The following DOK7 variants were observed in gnomAD, a reference collection of about 807,000 sequenced individuals.
The protein encoded by DOK7 is protein Dok-7.
Under a neutral mutation model 30.7 loss-of-function variants are expected in DOK7, and 32 were observed. That is an observed-to-expected ratio of 1.04 (90% CI 0.79 to 1.40). The LOEUF is 1.40. Among genes scored for constraint, DOK7 ranks in the 40% most tolerant of loss-of-function variants. The probability of loss-of-function intolerance (pLI) is 0.00; values close to 1 mark genes in which losing one functional copy is unlikely to be tolerated. For missense variants in DOK7, 1,007 were observed against 699.2 expected (o/e 1.44, Z -4.97); for synonymous variants, 447 against 324.1 (o/e 1.38, Z -4.07).
chr4:3,498,221 A>C (rs553970366), downstream of DOK7, among the ~76,000 whole-genome samples: 2 of 152,284 alleles, frequency 1.3e-5, no homozygotes, highest in South Asian at 4.1e-4. Flanking sequence ...TGCTCACAGA[A>C]GCCGAAGCAA....
chr4:3,493,803 C>G lies in DOK7; in HGVS notation c.*302C>G, dbSNP rs896344699. On this transcript the variant is annotated 3_prime_UTR_variant, in exon 7 of 7. Coordinates refer to ENST00000340083, the MANE Select transcript of DOK7 (RefSeq NM_173660.5). ...CCTGAGGATCAGGTGAGTGCTGCAC[C>G]TCTGTTGGCTCGTGCCTTGCACTGG... 33 of 1,304,792 alleles carry G rather than the reference C, an allele frequency of 2.5e-5. No homozygotes were observed. In the South Asian group the frequency reaches 3.8e-4, roughly 15 times the overall value. The allele number at this position is 1,304,792 out of a possible 1,614,324, so 80.8% of individuals were successfully genotyped here. A position where few individuals can be genotyped will look rare whatever the true frequency, so the allele number is the denominator to read the frequency against.
chr4:3,476,544 T>C lies in DOK7; in HGVS notation c.532+2T>C. 3 of 1,613,816 alleles carry C rather than the reference T, an allele frequency of 1.9e-6. No individual in the cohort carries two copies. The highest frequency in any genetic ancestry group is 2.5e-6 in the Non-Finnish European group (3 of 1,180,016). On this transcript the variant is annotated splice_donor_variant, in intron 4 of 6. Transcript: ENST00000340083. LOFTEE classifies it high-confidence loss of function. ...AAGGCGGGACCAGGTGTGGGTACTG[T>C]AAGTACGGATGTGTGGGGTCACTGG...
At chr4:3,485,170 C>T (rs903823536) in intron 4 of DOK7, among the ~76,000 whole-genome samples, 4 of 152,154 alleles carry the variant, frequency 2.6e-5, no homozygotes, top group Non-Finnish European at 4.4e-5. Flanking sequence ...GGTATGTGGG[C>T]GGGGGCACCC....
chr4:3,472,451 C>G (rs558244880), intron 2 of DOK7, among the ~76,000 whole-genome samples: 21 of 152,358 alleles, frequency 1.4e-4, no homozygotes, highest in Admixed American at 4.6e-4. Flanking sequence ...GCCGGGTATC[C>G]TGGAGCCCAG....
chr4:3,493,978 G>C lies in DOK7; in HGVS notation c.*477G>C, dbSNP rs372332007. Reference sequence around the variant, plus strand: ...TACCACAGAGGCTCCGGCCACCTGGGCTCCACCAGCCCAGCCCCCCTGGGC... The same window carrying C: ...TACCACAGAGGCTCCGGCCACCTGGCCTCCACCAGCCCAGCCCCCCTGGGC... On this transcript the variant is annotated 3_prime_UTR_variant, in exon 7 of 7. Coordinates refer to ENST00000340083, the MANE Select transcript of DOK7 (RefSeq NM_173660.5). 4 of 985,810 alleles carry C rather than the reference G, an allele frequency of 4.1e-6. No homozygotes were observed. The highest frequency in any genetic ancestry group is 1.1e-4 in the East Asian group (1 of 8,718). The allele number at this position is 985,810 out of a possible 1,614,324, so 61.1% of individuals were successfully genotyped here.
intron 4 of DOK7, among the ~76,000 whole-genome samples, chr4:3,478,941 C>G (rs1007294496): frequency 2.0e-5 from 3 of 152,178 alleles, no homozygotes; most frequent in Non-Finnish European, 4.4e-5. Context: ...TGTGGGCAGC[C>G]TGGGGCCTCC....
At chr4:3,472,631 T>C (rs1726824774) in intron 2 of DOK7, among the ~76,000 whole-genome samples, 2 of 152,266 alleles carry the variant, frequency 1.3e-5, no homozygotes, top group Admixed American at 1.3e-4. Context: ...ACACAGGGAC[T>C]GTGCTGTGCC....
At chr4:3,482,088 C>A (rs1422299071) in intron 4 of DOK7, among the ~76,000 whole-genome samples, 1 of 152,190 alleles carries the variant, frequency 6.6e-6, no homozygotes, top group East Asian at 1.9e-4. Context: ...TCCCCCACAA[C>A]AGGGCTCCTA....
intron 4 of DOK7, 50 bp downstream of exon 4, chr4:3,476,592 C>T (rs780241191): frequency 6.2e-6 from 10 of 1,609,342 alleles, no homozygotes; most frequent in African/African-American, 1.3e-5. Flanking sequence ...CCCCCCACTT[C>T]CCCTGAGAAC....
intron 3 of DOK7, among the ~76,000 whole-genome samples, chr4:3,475,787 T>C (rs1456542084): frequency 1.3e-5 from 2 of 151,912 alleles, no homozygotes; most frequent in African/African-American, 4.8e-5. Flanking sequence ...CCTGGAGAGG[T>C]GCCGGGGGTG....
rs963752202 is a variant in DOK7 at position 3,476,619 on chromosome 4, G to A, written c.532+77G>A. On this transcript the variant is annotated intron_variant, in intron 4 of 6. Transcript: ENST00000340083. Reference sequence around the variant, plus strand: ...CCTGAGAACTGCTGGCTTCGGGCCGGCCGACCCCACTTGCAGGCTGGCCTG... The same window carrying A: ...CCTGAGAACTGCTGGCTTCGGGCCGACCGACCCCACTTGCAGGCTGGCCTG... 254 of 1,584,166 alleles carry A rather than the reference G, an allele frequency of 1.6e-4. 1 individual carries two copies. Among genetic ancestry groups the A allele is most frequent in the Middle Eastern group, 7.1e-4 (4 of 5,658 alleles).
chr4:3,465,417 C>T (rs1322119537), intron 2 of DOK7, among the ~76,000 whole-genome samples: 1 of 152,188 alleles, frequency 6.6e-6, no homozygotes, highest in East Asian at 1.9e-4. Context: ...AGGGAGCAGG[C>T]CCCAGCCCTG....
At chr4:3,500,176 C>G (rs899165132) in intron 6 of DOK7, 55 of 1,493,240 alleles carry the variant, frequency 3.7e-5, no homozygotes, top group Non-Finnish European at 4.6e-5. Context: ...GGGTGGGCAG[C>G]TCTTTACTGC....
chr4:3,494,629 C>CT, downstream of DOK7: 1 of 772,958 alleles, frequency 1.3e-6, no homozygotes. Flanking sequence ...TCTTGTGAGC[C>CT]TTGGGCCTGA....
intron 5 of DOK7, among the ~76,000 whole-genome samples, chr4:3,488,286 T>G (rs1727946498): frequency 6.6e-6 from 1 of 152,194 alleles, no homozygotes; most frequent in African/African-American, 2.4e-5. Context: ...CCCGGTGCTG[T>G]GAGCTCTCAC....
chr4:3,488,805 G>GA (rs1727978400), intron 5 of DOK7, among the ~76,000 whole-genome samples: 1 of 125,128 alleles, frequency 8.0e-6, no homozygotes, highest in Non-Finnish European at 1.9e-5. Context: ...TTCCCTGCCA[G>GA]GGAAACTCTT....
At chr4:3,489,033 A>G (rs915358871) in intron 5 of DOK7, among the ~76,000 whole-genome samples, 1 of 152,138 alleles carries the variant, frequency 6.6e-6, no homozygotes, top group African/African-American at 2.4e-5. Flanking sequence ...CTGGGCAGGA[A>G]GGGGAGGTTT....
rs148915522 is a variant in DOK7 at position 3,493,746 on chromosome 4, A to G, written c.*245A>G. 142 of 1,418,192 alleles carry G rather than the reference A, an allele frequency of 1.0e-4. No homozygotes were observed. Among genetic ancestry groups the G allele is most frequent in the Non-Finnish European group, 1.2e-4 (133 of 1,090,474 alleles). 87.9% of individuals were successfully genotyped at this position (1,418,192 alleles called of 1,614,324 possible). A position where few individuals can be genotyped will look rare whatever the true frequency, so the allele number is the denominator to read the frequency against. ...GCAGGTCGGGGTCACCAGAGCCCCA[A>G]TGCTCAGCTGCTTCACTCCGTGTCC... On this transcript the variant is annotated 3_prime_UTR_variant, in exon 7 of 7. Transcript: ENST00000340083.
rs925131478 is a variant in DOK7, at chr4:3,481,441, G to C, written c.533-4098G>C. 3.0e-5 allele frequency among the ~76,000 whole-genome samples: 4 copies of C among 132,966 alleles called. No homozygotes were observed. In the South Asian group the frequency reaches 9.4e-4, roughly 31 times the overall value. 87.2% of individuals were successfully genotyped at this position (132,966 alleles called of 152,430 possible). On this transcript the variant is annotated intron_variant, in intron 4 of 6. Transcript: ENST00000340083. ...AAGGGGAGGAGGGCCGGCCCGGGAAGGGGGGGCCTTCTAGAGTGGTGCCCC... is the reference window on the plus strand; with the variant it reads ...AAGGGGAGGAGGGCCGGCCCGGGAACGGGGGGCCTTCTAGAGTGGTGCCCC...
Sources: gnomAD v4.1 joint callset for allele counts (sites outside exome capture counted in the v4.1 genomes callset) on GRCh38, gnomAD v4.1.1 for gene constraint, MANE v1.5 for transcripts, NCBI Gene and HGNC (gene_info 2026-07-23, HGNC 2026-07-21) for gene names.